The following RMDN2 variants were observed in gnomAD, a reference collection of about 807,000 sequenced individuals.
RMDN2 encodes regulator of microtubule dynamics protein 2.
RMDN2 carries 61 observed loss-of-function variants against 52.8 expected under a neutral mutation model. The observed-to-expected ratio is 1.16, with a 90% CI of 0.94 to 1.43. RMDN2 has a LOEUF of 1.43. Ranked by LOEUF, RMDN2 falls within the 40% of genes most tolerant of loss-of-function variation. RMDN2 has a pLI of 0.00. For synonymous variants in RMDN2, 180 were observed against 153.1 expected (o/e 1.18, Z -1.30); for missense variants, 592 against 475.3 (o/e 1.25, Z -2.28).
chr2:37,992,201 C>T (rs1674895391), intron 7 of RMDN2, among the ~76,000 whole-genome samples: 1 of 152,114 alleles, frequency 6.6e-6, no homozygotes, highest in Non-Finnish European at 1.5e-5. Flanking sequence ...TTCCCAAAGT[C>T]CCATTTAACT....
chr2:37,967,369 C>A (rs917636972), intron 2 of RMDN2, among the ~76,000 whole-genome samples: 1 of 152,160 alleles, frequency 6.6e-6, no homozygotes, highest in Admixed American at 6.5e-5. Flanking sequence ...GATCTTGAAG[C>A]ATTTCTTTAA....
chr2:37,991,217 C>T lies in RMDN2; in HGVS notation c.868-3C>T, dbSNP rs1348175996. ...ATGATTTTCCTTTGGATGCTTTTTT[C>T]AGGAACATCTAGATATAGCAATCAA... On this transcript the variant is annotated splice_region_variant and splice_polypyrimidine_tract_variant and intron_variant, in intron 6 of 10. Transcript: ENST00000354545. 2.6e-6 allele frequency: 4 copies of T among 1,550,492 alleles called. No homozygotes were observed. Among genetic ancestry groups the T allele is most frequent in the South Asian group, 2.4e-5 (2 of 82,366 alleles).
chr2:37,932,604 G>A (rs1219344280), intron 2 of RMDN2, among the ~76,000 whole-genome samples: 5 of 151,756 alleles, frequency 3.3e-5, no homozygotes, highest in East Asian at 2.0e-4. Context: ...GGTGGTGGCC[G>A]GGCAGAGGGG....
chr2:38,022,210 G>A (rs1573147807), downstream of RMDN2, among the ~76,000 whole-genome samples: 1 of 152,290 alleles, frequency 6.6e-6, no homozygotes, highest in Non-Finnish European at 1.5e-5. Flanking sequence ...ATGAGGCCAC[G>A]TAAAAATGGT....
chr2:38,066,475 T>C (rs1473509624), intron 10 of RMDN2, among the ~76,000 whole-genome samples: 2 of 152,228 alleles, frequency 1.3e-5, no homozygotes, highest in Non-Finnish European at 2.9e-5. Context: ...CTGAGATTTA[T>C]AACTAATAGA....
At chr2:37,940,416 T>G (rs1450206915) in intron 2 of RMDN2, among the ~76,000 whole-genome samples, 1 of 152,200 alleles carries the variant, frequency 6.6e-6, no homozygotes, top group Non-Finnish European at 1.5e-5. Flanking sequence ...TTCCCGAATT[T>G]GAATGTTGGC....
At chr2:37,994,074 TC>T (rs1415870029) in intron 7 of RMDN2, among the ~76,000 whole-genome samples, 1 of 152,136 alleles carries the variant, frequency 6.6e-6, no homozygotes, top group African/African-American at 2.4e-5. Flanking sequence ...TGTCAAACTT[TC>T]ACAGAAAGTG....
At chr2:38,053,525 A>G (rs1438869834) in intron 10 of RMDN2, among the ~76,000 whole-genome samples, 5 of 152,220 alleles carry the variant, frequency 3.3e-5, no homozygotes, top group Non-Finnish European at 7.3e-5. Flanking sequence ...ATTAAATTAA[A>G]AGTCTCATCT....
chr2:37,959,401 AT>A (rs1669898684), intron 2 of RMDN2, among the ~76,000 whole-genome samples: 1 of 150,904 alleles, frequency 6.6e-6, no homozygotes, highest in Admixed American at 6.6e-5. Context: ...GTGTCCAGGA[AT>A]TTATCCATTT....
intron 2 of RMDN2, among the ~76,000 whole-genome samples, chr2:37,943,908 C>T (rs1668004968): frequency 6.6e-6 from 1 of 151,874 alleles, no homozygotes; most frequent in Admixed American, 6.6e-5. Context: ...GTCACCTTGC[C>T]CCTCCCCCAC....
At chr2:37,986,506 C>T (rs1339250742) in intron 5 of RMDN2, among the ~76,000 whole-genome samples, 1 of 152,024 alleles carries the variant, frequency 6.6e-6, no homozygotes, top group Non-Finnish European at 1.5e-5. Flanking sequence ...GCCATTATCT[C>T]TCATGAATAT....
At chr2:38,011,331 C>T (rs1677958866) in intron 10 of RMDN2, among the ~76,000 whole-genome samples, 1 of 152,144 alleles carries the variant, frequency 6.6e-6, no homozygotes, top group Non-Finnish European at 1.5e-5. Context: ...TCAAGCATTC[C>T]ACAGGGTTAA....
At chr2:38,051,828 C>A (rs2125300628) in intron 10 of RMDN2, among the ~76,000 whole-genome samples, 1 of 152,324 alleles carries the variant, frequency 6.6e-6, no homozygotes, top group Non-Finnish European at 1.5e-5. Context: ...CCTCCAGTTC[C>A]ATCCATGTTA....
chr2:37,935,915 T>C (rs1328689471), intron 2 of RMDN2, among the ~76,000 whole-genome samples: 1 of 152,192 alleles, frequency 6.6e-6, no homozygotes, highest in African/African-American at 2.4e-5. Context: ...TTTCTTTTAT[T>C]AACTTTAAGT....
At chr2:37,971,229 T>G (rs1182128755) in intron 2 of RMDN2, among the ~76,000 whole-genome samples, 2 of 152,126 alleles carry the variant, frequency 1.3e-5, no homozygotes, top group Non-Finnish European at 2.9e-5. Flanking sequence ...GCTCTTACAC[T>G]TAGGTTTGAT....
intron 7 of RMDN2, among the ~76,000 whole-genome samples, chr2:37,997,185 C>T (rs1675670287): frequency 6.6e-6 from 1 of 152,074 alleles, no homozygotes. Context: ...TGCTTCTGGA[C>T]CCCATGGTTC....
chr2:37,977,002 C>T (rs147047322), intron 4 of RMDN2, among the ~76,000 whole-genome samples: 288 of 152,198 alleles, frequency 1.9e-3, no homozygotes, highest in African/African-American at 6.6e-3. Context: ...CCGCCTTCTG[C>T]AGTGTTTGTG....
At chr2:37,999,887 A>C (rs1676082874) in intron 8 of RMDN2, among the ~76,000 whole-genome samples, 1 of 152,124 alleles carries the variant, frequency 6.6e-6, no homozygotes. Flanking sequence ...TTCCTGTCTG[A>C]ATGACCTGGA....
intron 10 of RMDN2, among the ~76,000 whole-genome samples, chr2:38,045,076 T>C (rs1681189736): frequency 6.6e-6 from 1 of 152,104 alleles, no homozygotes. Flanking sequence ...CAAGAGTAGG[T>C]TTATATAACT....
Sources: gnomAD v4.1 joint callset for allele counts (sites outside exome capture counted in the v4.1 genomes callset) on GRCh38, gnomAD v4.1.1 for gene constraint, MANE v1.5 for transcripts, NCBI Gene and HGNC (gene_info 2026-07-23, HGNC 2026-07-21) for gene names.